Variants in USP32 observed in about 807,000 individuals in gnomAD.
USP32 encodes ubiquitin specific peptidase 32.
Under a neutral mutation model 204.8 loss-of-function variants are expected in USP32, and 59 were observed. The ratio of observed to expected loss-of-function variants is 0.29; its 90% CI spans 0.23 to 0.36. USP32 has a LOEUF of 0.36. Ranked by LOEUF, USP32 falls within the 10% of genes least tolerant of loss-of-function variation. The pLI, the probability that USP32 is intolerant of heterozygous loss-of-function variation, is 1.00. For synonymous variants in USP32, 517 were observed against 678.4 expected, an observed-to-expected ratio of 0.76 and a Z score of 3.70; for missense variants, 1,160 against 1,946.4, an observed-to-expected ratio of 0.60 and a Z score of 7.60.
chr17:60,187,724 T>G (rs972394267), intron 29 of USP32, among the ~76,000 whole-genome samples: 8 of 152,250 alleles, frequency 5.3e-5, no homozygotes, highest in Non-Finnish European at 1.2e-4. Flanking sequence ...TGGACTGTAC[T>G]GACAATAATT....
chr17:60,231,399 A>C, intron 12 of USP32: 2 of 331,740 alleles, frequency 6.0e-6, no homozygotes, highest in South Asian at 5.0e-5. Flanking sequence ...AGATAAAGTA[A>C]TAAAATAATT....
chr17:60,235,006 T>C (rs188799204), intron 12 of USP32, among the ~76,000 whole-genome samples: 79 of 152,322 alleles, frequency 5.2e-4, no homozygotes, highest in Non-Finnish European at 9.0e-4. Context: ...ATTTCTTTAG[T>C]GCACAAAAGG....
upstream of USP32, among the ~76,000 whole-genome samples, chr17:60,393,903 C>T (rs1311683181): frequency 1.3e-5 from 2 of 152,112 alleles, no homozygotes; most frequent in Non-Finnish European, 2.9e-5. Context: ...AGGCTGTTCT[C>T]GAACTCGCAA....
chr17:60,268,281 AT>A (rs780806717), intron 7 of USP32, among the ~76,000 whole-genome samples: 34 of 152,142 alleles, frequency 2.2e-4, no homozygotes, highest in Non-Finnish European at 4.6e-4. Flanking sequence ...TTTAATGGAA[AT>A]GCAGAGCTGG....
Position 60,236,336 on chromosome 17 carries a change from G to A in USP32, c.1137-96C>T, listed in dbSNP as rs758577802. 410 of 968,616 alleles carry A rather than the reference G, an allele frequency of 4.2e-4. 1 individual carries two copies. The highest frequency in any genetic ancestry group is 4.7e-4 in the Non-Finnish European group (295 of 627,776). The allele number at this position is 968,616 out of a possible 1,614,324, so 60.0% of individuals were successfully genotyped here. A position where few individuals can be genotyped will look rare whatever the true frequency, so the allele number is the denominator to read the frequency against. ...TTAGAAGTTTTATAAGGAAAACCGC[G>A]AAACATTTAGATGTAATTAGGAGAG... On this transcript the variant is annotated intron_variant, in intron 11 of 33. Coordinates refer to ENST00000300896, the MANE Select transcript of USP32 (RefSeq NM_032582.4).
intron 1 of USP32, chr17:60,422,013 T>TACCCAGCACCCAGC (rs111330712): frequency 2.2e-4 from 203 of 908,262 alleles, no homozygotes; most frequent in Middle Eastern, 5.8e-4. Context: ...TCCCACCCAG[T>TACCCAGCACCCAGC]ACCCAGCACC....
At chr17:60,358,891 T>C (rs959508143) in intron 1 of USP32, among the ~76,000 whole-genome samples, 5 of 152,238 alleles carry the variant, frequency 3.3e-5, no homozygotes, top group African/African-American at 1.2e-4. Context: ...TGAGAATCTC[T>C]GGCTTAGGCC....
At chr17:60,265,905 A>G (rs1372837721) in intron 8 of USP32, 71 bp downstream of exon 8, 1 of 1,211,372 alleles carries the variant, frequency 8.3e-7, no homozygotes, top group East Asian at 2.3e-5. Context: ...TTATGCTTTT[A>G]AAGAAAATGA....
intron 2 of USP32, among the ~76,000 whole-genome samples, chr17:60,334,519 C>T (rs796930586): frequency 2.0e-5 from 3 of 151,886 alleles, no homozygotes; most frequent in African/African-American, 4.8e-5. Flanking sequence ...AGTGAAACCT[C>T]GTCTCTACTA....
At chr17:60,324,952 G>A (rs1352392952) in intron 2 of USP32, among the ~76,000 whole-genome samples, 5 of 152,076 alleles carry the variant, frequency 3.3e-5, no homozygotes, top group Non-Finnish European at 4.4e-5. Flanking sequence ...GCGGTGAGCC[G>A]AGATCATGCC....
intron 2 of USP32, among the ~76,000 whole-genome samples, chr17:60,322,683 C>T (rs1029303247): frequency 6.6e-6 from 1 of 151,988 alleles, no homozygotes; most frequent in Non-Finnish European, 1.5e-5. Flanking sequence ...ATAGAACCAC[C>T]ATATAAAATA....
At chr17:60,266,157 A>G in intron 7 of USP32, 66 bp from the exon 8 acceptor site, 1 of 1,290,332 alleles carries the variant, frequency 7.7e-7, no homozygotes, top group Non-Finnish European at 1.1e-6. Context: ...ATATTTTACT[A>G]GAAGTTGCCC....
intron 22 of USP32, 138 bp downstream of exon 22, chr17:60,209,232 C>T: frequency 3.0e-6 from 3 of 997,664 alleles, no homozygotes; most frequent in Non-Finnish European, 4.0e-6. Context: ...GAATTAAGCA[C>T]AGAAATAGAA....
intron 7 of USP32, among the ~76,000 whole-genome samples, chr17:60,266,977 C>T (rs1432065897): frequency 2.7e-5 from 4 of 148,878 alleles, no homozygotes; most frequent in East Asian, 2.1e-4. Flanking sequence ...TTAGTAGAGA[C>T]GGGATTTCAC....
At chr17:60,398,086 C>G (rs1555625082) in intron 1 of USP32, among the ~76,000 whole-genome samples, 1 of 152,066 alleles carries the variant, frequency 6.6e-6, no homozygotes, top group Non-Finnish European at 1.5e-5. Context: ...TTTGGCAGGC[C>G]AGGCAGGGTG....
At position 60,399,331 on chromosome 17, in the gene USP32, A is replaced by C. The variant is rs539864684; in HGVS notation, c.106+22915T>G. Among the ~76,000 whole-genome samples the C allele has an allele frequency of 2.0e-5, 3 of 152,296 alleles. No individual in the cohort carries two copies. The South Asian group carries it at 6.2e-4, about 32-fold the overall frequency. ...GAAAAAAAATGCAGAGGAAGGAGGC[A>C]AGAAGTGCTGAGATGAAGATTATAA... On this transcript the variant is annotated intron_variant, in intron 1 of 3. Transcript: ENST00000588898.
chr17:60,335,657 A>C (rs2088498891), intron 2 of USP32, among the ~76,000 whole-genome samples: 1 of 143,406 alleles, frequency 7.0e-6, no homozygotes, highest in Non-Finnish European at 1.5e-5. Flanking sequence ...AGGGCAAGAG[A>C]GTACGTTCAT....
upstream of USP32, among the ~76,000 whole-genome samples, chr17:60,396,297 G>A (rs1014304803): frequency 5.3e-5 from 8 of 151,872 alleles, no homozygotes; most frequent in Admixed American, 2.0e-4. Context: ...GGCTGGTCTC[G>A]AATTCCTGGG....
chr17:60,243,871 C>T (rs2085941219), intron 11 of USP32, among the ~76,000 whole-genome samples: 1 of 152,084 alleles, frequency 6.6e-6, no homozygotes, highest in Non-Finnish European at 1.5e-5. Flanking sequence ...AAATGTCTCT[C>T]TGGCTCCAGT....
Sources: gnomAD v4.1 joint callset for allele counts (sites outside exome capture counted in the v4.1 genomes callset) on GRCh38, gnomAD v4.1.1 for gene constraint, MANE v1.5 for transcripts, NCBI Gene and HGNC (gene_info 2026-07-23, HGNC 2026-07-21) for gene names.